The following ZNF536 variants were observed in gnomAD, a reference collection of about 807,000 sequenced individuals.
ZNF536 encodes the protein zinc finger protein 536.
ZNF536 carries 13 observed loss-of-function variants against 84.5 expected under a neutral mutation model. The observed-to-expected ratio is 0.15, with a 90% CI of 0.10 to 0.24. ZNF536 has a LOEUF of 0.24. ZNF536 is among the 10% of genes least tolerant of loss of function. The probability of loss-of-function intolerance (pLI) is 1.00; values close to 1 mark genes in which losing one functional copy is unlikely to be tolerated. For missense variants in ZNF536, 1,536 were observed against 1,747.5 expected, an observed-to-expected ratio of 0.88 and a Z score of 2.16; for synonymous variants, 811 against 742.5, an observed-to-expected ratio of 1.09 and a Z score of -1.50.
chr19:30,238,431 C>CCACA (rs57536360), intron 1 of ZNF536, among the ~76,000 whole-genome samples: 18 of 150,312 alleles, frequency 1.2e-4, no homozygotes, highest in South Asian at 6.4e-4. Context: ...TGTATCTAGG[C>CCACA]CACACACACA....
At chr19:30,563,185 T>C (rs1350550224) in intron 1 of ZNF536, among the ~76,000 whole-genome samples, 1 of 152,114 alleles carries the variant, frequency 6.6e-6, no homozygotes, top group African/African-American at 2.4e-5. Context: ...CAGGTTATTA[T>C]AAATCATGGT....
chr19:30,611,014 A>G (rs979295097), intron 1 of ZNF536, among the ~76,000 whole-genome samples: 2 of 152,154 alleles, frequency 1.3e-5, no homozygotes, highest in Non-Finnish European at 2.9e-5. Flanking sequence ...AGGGCTTACC[A>G]TGTGCTTCCA....
intron 2 of ZNF536, among the ~76,000 whole-genome samples, chr19:30,511,499 A>G (rs1038220325): frequency 1.3e-5 from 2 of 152,108 alleles, no homozygotes; most frequent in Admixed American, 1.3e-4. Context: ...GGGTGCTAGT[A>G]AAAGAGGGGA....
At chr19:30,539,125 C>A (rs9989636) in intron 3 of ZNF536, among the ~76,000 whole-genome samples, 6,901 of 151,200 alleles carry the variant, frequency 0.046, 393 homozygotes, top group African/African-American at 0.13. Context: ...TGCACCCCCC[C>A]CACACACACA....
At position 30,435,370 on chromosome 19, in the gene ZNF536, G is replaced by A. The variant is rs982059359; in HGVS notation, c.-2-8191G>A. On this transcript the variant is annotated intron_variant, in intron 1 of 4. Coordinates refer to ENST00000355537, the MANE Select transcript of ZNF536 (RefSeq NM_014717.3). ...TGATGCTGATGCTGGTGATGGTGGT[G>A]ATGATGATGATGATGGTGTGATGAT... Among the ~76,000 whole-genome samples, 7 of 150,566 alleles carry A rather than the reference G, an allele frequency of 4.6e-5. 1 individual carries two copies. The highest frequency in any genetic ancestry group is 4.2e-4 in the South Asian group (2 of 4,768).
At chr19:30,546,651 C>T (rs543912005) in intron 3 of ZNF536, among the ~76,000 whole-genome samples, 1 of 152,120 alleles carries the variant, frequency 6.6e-6, no homozygotes, top group African/African-American at 2.4e-5. Context: ...CATTCACTGA[C>T]GATTTGTTGT....
chr19:30,282,086 G>A (rs1469702712), intron 1 of ZNF536, among the ~76,000 whole-genome samples: 1 of 152,228 alleles, frequency 6.6e-6, no homozygotes, highest in East Asian at 1.9e-4. Context: ...AGCATCTGTG[G>A]TCAGATGGAG....
chr19:30,234,351 T>C (rs2023304276), intron 1 of ZNF536, among the ~76,000 whole-genome samples: 1 of 149,168 alleles, frequency 6.7e-6, no homozygotes, highest in Non-Finnish European at 1.5e-5. Flanking sequence ...AGGCCACCTC[T>C]CCACTGCTGA....
chr19:30,677,097 G>A (rs1394186121), intron 1 of ZNF536, among the ~76,000 whole-genome samples: 1 of 152,186 alleles, frequency 6.6e-6, no homozygotes, highest in East Asian at 1.9e-4. Flanking sequence ...TCTAGATGTG[G>A]CTTCTTAACA....
chr19:30,426,240 G>A (rs2051208019), intron 1 of ZNF536, among the ~76,000 whole-genome samples: 1 of 152,210 alleles, frequency 6.6e-6, no homozygotes, highest in South Asian at 2.1e-4. Context: ...AATATCTGCT[G>A]TTTATGAGTA....
chr19:30,234,776 C>CGCGCGT (rs3081820), intron 1 of ZNF536, among the ~76,000 whole-genome samples: 3 of 151,726 alleles, frequency 2.0e-5, no homozygotes, highest in African/African-American at 7.3e-5. Context: ...CACACACACG[C>CGCGCGT]GCACACGCAC....
intron 1 of ZNF536, among the ~76,000 whole-genome samples, chr19:30,421,777 C>T (rs1450660245): frequency 6.6e-6 from 1 of 152,204 alleles, no homozygotes; most frequent in East Asian, 1.9e-4. Flanking sequence ...CTTCCAGCCC[C>T]CAGTGTGTCT....
At chr19:30,460,434 C>T (rs1161641521) in intron 2 of ZNF536, among the ~76,000 whole-genome samples, 1 of 152,160 alleles carries the variant, frequency 6.6e-6, no homozygotes, top group Non-Finnish European at 1.5e-5. Context: ...GAAGAGGTGT[C>T]CTGGCCTCCC....
intron 1 of ZNF536, among the ~76,000 whole-genome samples, chr19:30,433,326 C>T (rs1450185770): frequency 6.6e-6 from 1 of 152,174 alleles, no homozygotes; most frequent in Non-Finnish European, 1.5e-5. Context: ...CATCCATCTT[C>T]CCCCCACTTC....
chr19:30,549,417 G>T lies in ZNF536; in HGVS notation c.3798G>T (p.Ser1266=), dbSNP rs767947085. The change falls in exon 4 of 5, where the codon TCG becomes TCT. Residue 1266 remains serine, a synonymous_variant. Coordinates refer to ENST00000355537, the MANE Select transcript of ZNF536 (RefSeq NM_014717.3). ...QSLDKPMNML[S]VLRAYSSDGL... ...TGGACAAGCCGATGAACATGCTGTCGGTCCTCAGGGCCTACAGTTCTGATG... is the reference window on the plus strand; with the variant it reads ...TGGACAAGCCGATGAACATGCTGTCTGTCCTCAGGGCCTACAGTTCTGATG... 6.3e-7 allele frequency: 1 copy of T among 1,586,550 alleles called. No homozygotes were observed.
chr19:30,706,359 T>C (rs1600342226), intron 1 of ZNF536, among the ~76,000 whole-genome samples: 1 of 151,172 alleles, frequency 6.6e-6, no homozygotes, highest in African/African-American at 2.4e-5. Flanking sequence ...TGGTGGCGGG[T>C]GCGTGTAGTC....
At chr19:30,287,499 T>C (rs1568305931) in intron 2 of ZNF536, among the ~76,000 whole-genome samples, 1 of 150,620 alleles carries the variant, frequency 6.6e-6, no homozygotes, top group African/African-American at 2.5e-5. Context: ...GATGGATGAA[T>C]AGATGGGTGG....
chr19:30,245,901 A>G (rs1261245578), intron 1 of ZNF536, among the ~76,000 whole-genome samples: 1 of 152,256 alleles, frequency 6.6e-6, no homozygotes, highest in Admixed American at 6.5e-5. Context: ...TACGTTGGGC[A>G]CGGAGCGTTG....
intron 1 of ZNF536, among the ~76,000 whole-genome samples, chr19:30,425,790 G>A (rs188304079): frequency 6.6e-6 from 1 of 152,316 alleles, no homozygotes; most frequent in Admixed American, 6.5e-5. Context: ...GTCAGAAGCA[G>A]GGAGCTGGCT....
Sources: allele counts gnomAD v4.1 joint callset (sites outside exome capture counted in the v4.1 genomes callset), GRCh38; gene constraint gnomAD v4.1.1; transcripts MANE v1.5; gene names NCBI Gene and HGNC (gene_info 2026-07-23, HGNC 2026-07-21).